The following RERE variants were observed in gnomAD, a reference collection of about 807,000 sequenced individuals.
RERE encodes the protein arginine-glutamic acid dipeptide repeats protein.
RERE carries 40 observed loss-of-function variants against 146.1 expected under a neutral mutation model. The ratio of observed to expected loss-of-function variants is 0.27; its 90% CI spans 0.21 to 0.36. The LOEUF (loss-of-function observed/expected upper bound fraction) is 0.36, where lower values mean the gene tolerates loss of function less well. Ranked by LOEUF, RERE falls within the 10% of genes least tolerant of loss-of-function variation. The pLI, the probability that RERE is intolerant of heterozygous loss-of-function variation, is 1.00. For synonymous variants in RERE, 1,003 were observed against 866.0 expected (o/e 1.16, Z -2.78); for missense variants, 1,933 against 2,138.7 (o/e 0.90, Z 1.90).
At chr1:8,529,689 C>A (rs890913972) in intron 7 of RERE, among the ~76,000 whole-genome samples, 2 of 151,984 alleles carry the variant, frequency 1.3e-5, no homozygotes, top group African/African-American at 4.8e-5. Flanking sequence ...TGCTCTCACC[C>A]CCAAACAGAA....
intron 12 of RERE, among the ~76,000 whole-genome samples, chr1:8,384,697 T>C (rs1642579341): frequency 6.6e-6 from 1 of 152,238 alleles, no homozygotes; most frequent in Non-Finnish European, 1.5e-5. Context: ...CTGCTCCCTC[T>C]AGTTACAGAC....
intron 2 of RERE, among the ~76,000 whole-genome samples, chr1:8,637,746 T>C (rs769479802): frequency 6.6e-6 from 1 of 152,208 alleles, no homozygotes. Context: ...CAATTTCTCT[T>C]TTTTGTTGAC....
At chr1:8,601,682 C>T (rs1433492095) in intron 4 of RERE, among the ~76,000 whole-genome samples, 5 of 104,466 alleles carry the variant, frequency 4.8e-5, no homozygotes, top group African/African-American at 7.6e-5. Context: ...ATCTTCCTTC[C>T]ATGATCCTTT....
chr1:8,699,156 A>G (rs1465643478), intron 1 of RERE, among the ~76,000 whole-genome samples: 1 of 152,336 alleles, frequency 6.6e-6, no homozygotes, highest in African/African-American at 2.4e-5. Flanking sequence ...ATTAGTGCTC[A>G]CTATGTTAAC....
chr1:8,764,394 GA>G (rs1469557472), intron 1 of RERE, among the ~76,000 whole-genome samples: 3 of 152,000 alleles, frequency 2.0e-5, no homozygotes, highest in Non-Finnish European at 4.4e-5. Flanking sequence ...CTAACTCCAA[GA>G]CAGAATTTTT....
chr1:8,743,466 C>A (rs1297717282), intron 1 of RERE, among the ~76,000 whole-genome samples: 1 of 149,788 alleles, frequency 6.7e-6, no homozygotes, highest in Non-Finnish European at 1.5e-5. Context: ...CGGGGTTTCA[C>A]CATGTTGGCC....
chr1:8,441,495 TG>T (rs1449403527), intron 11 of RERE, among the ~76,000 whole-genome samples: 1 of 152,188 alleles, frequency 6.6e-6, no homozygotes, highest in Non-Finnish European at 1.5e-5. Flanking sequence ...TTGACACTGG[TG>T]CTGACACAGT....
intron 1 of RERE, among the ~76,000 whole-genome samples, chr1:8,676,874 T>C (rs1341947717): frequency 6.6e-6 from 1 of 152,198 alleles, no homozygotes; most frequent in African/African-American, 2.4e-5. Context: ...TCTCTGCAAA[T>C]GCCACCTACA....
intron 11 of RERE, chr1:8,425,008 T>A (rs1165897388): frequency 6.6e-6 from 1 of 152,384 alleles, no homozygotes; most frequent in Non-Finnish European, 1.5e-5. Context: ...ACGGAAGAGT[T>A]CCTAATTGTA....
Position 8,516,412 on chromosome 1 carries a change from C to A in RERE, c.831-7737G>T, listed in dbSNP as rs114821407. ...ATAATAATAACAATACTAATTTTAA[C>A]ATTAATAAAGCAACTAATATATCCA... On this transcript the variant is annotated intron_variant, in intron 7 of 22. Coordinates refer to ENST00000400908, the MANE Select transcript of RERE (RefSeq NM_001042681.2). 4.4e-3 allele frequency among the ~76,000 whole-genome samples: 674 copies of A among 152,052 alleles called. 3 individuals are homozygous for A. Among genetic ancestry groups the A allele is most frequent in the African/African-American group, 0.015 (603 of 41,460 alleles).
chr1:8,568,440 A>T (rs1331214309), intron 4 of RERE, among the ~76,000 whole-genome samples: 1 of 152,198 alleles, frequency 6.6e-6, no homozygotes, highest in African/African-American at 2.4e-5. Context: ...CTTAATCCCC[A>T]ATGTAACAGT....
chr1:8,624,456 CATAA>C, intron 2 of RERE, 76 bp from the exon 3 acceptor site: 4 of 878,246 alleles, frequency 4.6e-6, no homozygotes, highest in Admixed American at 2.1e-5. Flanking sequence ...AAAGCCACTG[CATAA>C]ATAAATAAAT....
chr1:8,770,452 G>A (rs1478619125), intron 1 of RERE, among the ~76,000 whole-genome samples: 6 of 152,296 alleles, frequency 3.9e-5, no homozygotes, highest in Admixed American at 1.3e-4. Flanking sequence ...ACTAGATTTA[G>A]AGAAAATGTC....
chr1:8,690,502 A>G (rs1472938481), intron 1 of RERE, among the ~76,000 whole-genome samples: 4 of 152,374 alleles, frequency 2.6e-5, no homozygotes, highest in Non-Finnish European at 5.9e-5. Context: ...GCAGAAATTA[A>G]ATCTTTGTAT....
At chr1:8,502,244 G>T (rs1327096227) in intron 8 of RERE, among the ~76,000 whole-genome samples, 1 of 106,104 alleles carries the variant, frequency 9.4e-6, no homozygotes, top group Non-Finnish European at 2.0e-5. Flanking sequence ...CAGCCACCCC[G>T]TCCGGGAGGT....
chr1:8,431,936 T>C (rs1266279455), intron 11 of RERE, among the ~76,000 whole-genome samples: 2 of 152,098 alleles, frequency 1.3e-5, no homozygotes, highest in African/African-American at 4.8e-5. Context: ...CACCATGCCC[T>C]CTAGATTCAT....
intron 4 of RERE, among the ~76,000 whole-genome samples, chr1:8,565,663 A>T (rs1479437578): frequency 6.6e-6 from 1 of 152,188 alleles, no homozygotes; most frequent in Non-Finnish European, 1.5e-5. Context: ...GTGAGCGGAG[A>T]TCGTGCCACT....
intron 1 of RERE, among the ~76,000 whole-genome samples, chr1:8,808,821 G>C (rs1467076335): frequency 6.6e-6 from 1 of 152,110 alleles, no homozygotes; most frequent in Non-Finnish European, 1.5e-5. Context: ...TTTGAGGCTG[G>C]ACCAAATTGG....
At chr1:8,747,243 T>G (rs1185579064) in intron 1 of RERE, among the ~76,000 whole-genome samples, 2 of 152,060 alleles carry the variant, frequency 1.3e-5, no homozygotes, top group Non-Finnish European at 2.9e-5. Context: ...CCTCGTGATC[T>G]GACCACCTCG....
Sources: gnomAD v4.1 joint callset for allele counts (sites outside exome capture counted in the v4.1 genomes callset) on GRCh38, gnomAD v4.1.1 for gene constraint, MANE v1.5 for transcripts, NCBI Gene and HGNC (gene_info 2026-07-23, HGNC 2026-07-21) for gene names.